MICU1: variants seen among roughly 807,000 people sequenced by gnomAD.
The protein encoded by MICU1 is calcium uptake protein 1, mitochondrial.
A neutral mutation model predicts 56.8 loss-of-function variants in MICU1; 45 were observed. The observed-to-expected ratio is 0.79, with a 90% CI of 0.62 to 1.02. The LOEUF is 1.02. MICU1 is among the 50% of genes least tolerant of loss of function. The pLI, the probability that MICU1 is intolerant of heterozygous loss-of-function variation, is 0.00. For synonymous variants in MICU1, 186 were observed against 195.1 expected (o/e 0.95, Z 0.39); for missense variants, 504 against 587.1 (o/e 0.86, Z 1.46).
intron 1 of MICU1, among the ~76,000 whole-genome samples, chr10:72,604,092 C>T (rs957690356): frequency 1.3e-5 from 2 of 152,046 alleles, no homozygotes; most frequent in Non-Finnish European, 2.9e-5. Context: ...CATCTGCTAA[C>T]GGAAGTCTCT....
chr10:72,398,605 G>C (rs1464784162), intron 10 of MICU1, among the ~76,000 whole-genome samples: 1 of 151,984 alleles, frequency 6.6e-6, no homozygotes, highest in Admixed American at 6.6e-5. Flanking sequence ...AAATGATAAC[G>C]GGGATATACC....
chr10:72,403,432 G>C (rs1863524325), intron 10 of MICU1, among the ~76,000 whole-genome samples: 1 of 152,016 alleles, frequency 6.6e-6, no homozygotes, highest in Admixed American at 6.6e-5. Flanking sequence ...GCCCAGGCTG[G>C]CTTTGAACTC....
intron 11 of MICU1, among the ~76,000 whole-genome samples, chr10:72,374,554 CT>C (rs1225022699): frequency 3.9e-5 from 6 of 152,162 alleles, no homozygotes; most frequent in African/African-American, 1.4e-4. Flanking sequence ...GGACTTGCAA[CT>C]ACCCTTAAAA....
intron 11 of MICU1, among the ~76,000 whole-genome samples, chr10:72,371,547 A>G (rs891475226): frequency 6.6e-6 from 1 of 152,104 alleles, no homozygotes; most frequent in African/African-American, 2.4e-5. Context: ...GTTCGAGACC[A>G]GCCTGGCCAA....
At chr10:72,459,253 C>G (rs1865575557) in intron 8 of MICU1, among the ~76,000 whole-genome samples, 2 of 152,106 alleles carry the variant, frequency 1.3e-5, no homozygotes, top group South Asian at 4.1e-4. Context: ...ATTGCTTGAA[C>G]CCAGGAGGCG....
chr10:72,591,544 T>G (rs1458264458), intron 1 of MICU1, among the ~76,000 whole-genome samples: 1 of 152,102 alleles, frequency 6.6e-6, no homozygotes, highest in Non-Finnish European at 1.5e-5. Context: ...AGTGGGGATA[T>G]TACTACAGAT....
At chr10:72,440,621 A>C (rs924212360) in intron 8 of MICU1, among the ~76,000 whole-genome samples, 6 of 152,220 alleles carry the variant, frequency 3.9e-5, no homozygotes, top group African/African-American at 1.4e-4. Flanking sequence ...CAACCTACAG[A>C]ATGGGAGAAA....
At chr10:72,568,622 C>A (rs548090108) in intron 1 of MICU1, among the ~76,000 whole-genome samples, 4 of 152,188 alleles carry the variant, frequency 2.6e-5, no homozygotes, top group African/African-American at 4.8e-5. Context: ...GCACAGCTGA[C>A]CTGTAGAATG....
Position 72,536,925 on chromosome 10 carries a change from T to C in MICU1, c.494-3136A>G, listed in dbSNP as rs73280998. 4.5e-3 allele frequency among the ~76,000 whole-genome samples: 686 copies of C among 152,324 alleles called. 6 individuals are homozygous for C. The highest frequency in any genetic ancestry group is 0.017 in the Middle Eastern group (5 of 294). ...ATTAGACAGCACAGGTTTTAGGTTA[T>C]CAGGGCAATACCCAGAATAACTCAA... On this transcript the variant is annotated intron_variant, in intron 4 of 11. Coordinates refer to ENST00000361114, the MANE Select transcript of MICU1 (RefSeq NM_001195518.2).
chr10:72,436,163 G>A (rs968211253), intron 8 of MICU1, among the ~76,000 whole-genome samples: 4 of 152,152 alleles, frequency 2.6e-5, no homozygotes, highest in Non-Finnish European at 4.4e-5. Context: ...TCATATAGGC[G>A]GCTGCCCCTC....
chr10:72,422,881 T>C (rs1352211801), intron 9 of MICU1, among the ~76,000 whole-genome samples: 1 of 149,386 alleles, frequency 6.7e-6, no homozygotes, highest in Non-Finnish European at 1.5e-5. Context: ...AGCTAATTTT[T>C]GTATTTTTAG....
intron 10 of MICU1, among the ~76,000 whole-genome samples, chr10:72,401,667 C>T (rs569742312): frequency 3.9e-5 from 6 of 152,108 alleles, no homozygotes; most frequent in East Asian, 3.9e-4. Context: ...AAAACAAAAA[C>T]GAAAACAAAA....
At chr10:72,415,753 C>T (rs1738103459) in intron 9 of MICU1, among the ~76,000 whole-genome samples, 1 of 152,134 alleles carries the variant, frequency 6.6e-6, no homozygotes. Context: ...TCTGGCAACA[C>T]TGGTTTTGTT....
At chr10:72,536,016 T>C (rs1173162815) in intron 4 of MICU1, among the ~76,000 whole-genome samples, 2 of 151,956 alleles carry the variant, frequency 1.3e-5, no homozygotes, top group Non-Finnish European at 2.9e-5. Context: ...GTCGATCTCA[T>C]ATAAGTAGAA....
intron 1 of MICU1, among the ~76,000 whole-genome samples, chr10:72,598,711 T>A (rs1391475252): frequency 6.6e-6 from 1 of 152,174 alleles, no homozygotes; most frequent in Non-Finnish European, 1.5e-5. Flanking sequence ...AGGTCCGGAT[T>A]ATTTTTACTA....
intron 10 of MICU1, among the ~76,000 whole-genome samples, chr10:72,401,966 T>C (rs929536829): frequency 6.6e-6 from 1 of 151,890 alleles, no homozygotes; most frequent in Non-Finnish European, 1.5e-5. Context: ...ACCATGATCT[T>C]GTATTAGAAA....
chr10:72,430,100 C>A (rs188816103), intron 8 of MICU1, among the ~76,000 whole-genome samples: 10 of 151,250 alleles, frequency 6.6e-5, no homozygotes, highest in African/African-American at 2.5e-4. Context: ...TTCATACTAA[C>A]CTTACTTAAC....
chr10:72,459,640 T>C (rs1194326334), intron 8 of MICU1, among the ~76,000 whole-genome samples: 1 of 152,194 alleles, frequency 6.6e-6, no homozygotes, highest in Non-Finnish European at 1.5e-5. Flanking sequence ...TCTTTTTTGC[T>C]TCAAGTAAAT....
intron 6 of MICU1, among the ~76,000 whole-genome samples, chr10:72,500,622 A>T (rs965222187): frequency 1.3e-5 from 2 of 151,954 alleles, no homozygotes; most frequent in Non-Finnish European, 2.9e-5. Context: ...GTGCCCAATT[A>T]TAAATGTTTT....
Sources: allele counts gnomAD v4.1 joint callset (sites outside exome capture counted in the v4.1 genomes callset), GRCh38; gene constraint gnomAD v4.1.1; transcripts MANE v1.5; gene names NCBI Gene and HGNC (gene_info 2026-07-23, HGNC 2026-07-21).